SAFB: variants seen among roughly 807,000 people sequenced by gnomAD.
SAFB encodes scaffold attachment factor B.
SAFB carries 15 observed loss-of-function variants against 101.6 expected under a neutral mutation model. The ratio of observed to expected loss-of-function variants is 0.15; its 90% CI spans 0.10 to 0.23. The LOEUF (loss-of-function observed/expected upper bound fraction) is 0.23. Ranked by LOEUF, SAFB falls within the 10% of genes least tolerant of loss-of-function variation. The pLI is 1.00. For missense variants in SAFB, 930 were observed against 1,104.1 expected, an observed-to-expected ratio of 0.84 and a Z score of 2.23; for synonymous variants, 449 against 407.5, an observed-to-expected ratio of 1.10 and a Z score of -1.23.
chr19:5,645,569 T>A (rs764448480), intron 5 of SAFB, among the ~76,000 whole-genome samples, 170 bp downstream of exon 5: 1 of 152,226 alleles, frequency 6.6e-6, no homozygotes, highest in African/African-American at 2.4e-5. Flanking sequence ...AAATATAATG[T>A]ACGCATTGCC....
chr19:5,651,124 G>A, intron 9 of SAFB, 52 bp downstream of exon 9: 1 of 1,159,488 alleles, frequency 8.6e-7, no homozygotes, highest in Non-Finnish European at 1.3e-6. Flanking sequence ...GCGTTGTGTG[G>A]CCTTTACATG....
intron 11 of SAFB, among the ~76,000 whole-genome samples, chr19:5,653,750 A>G (rs1443956674): frequency 6.7e-6 from 1 of 149,418 alleles, no homozygotes; most frequent in East Asian, 2.0e-4. Flanking sequence ...GGCGTGAGCC[A>G]CCATGCCTGG....
In SAFB at chr19:5,623,240, G is replaced by C; in HGVS notation, c.35G>C (p.Gly12Ala). The change falls in exon 1 of 21, where the codon GGA (glycine) becomes GCA (alanine). Residue 12 changes from glycine to alanine, a missense_variant. By Grantham distance (60) the Gly-to-Ala change is moderately conservative. Around this residue, in one of 7 missense-constraint regions of SAFB, gnomAD observed 44 missense variants for 35.8 expected, o/e 1.23. Coordinates refer to ENST00000588852, the MANE Select transcript of SAFB (RefSeq NM_001201338.2). ...ACTCTGTCAGGCCTAGGTGATTCTG[G>C]AGCGGCGGGCGCGGCGGCTCTGAGC... Reference protein sequence around the residue: ...AETLSGLGDSGAAGAAALSSA... With the variant: ...AETLSGLGDSAAAGAAALSSA... 1 of 1,555,166 alleles carries C rather than the reference G, an allele frequency of 6.4e-7. No homozygotes were observed. Among genetic ancestry groups the C allele is most frequent in the Non-Finnish European group, 8.7e-7 (1 of 1,149,432 alleles).
intron 4 of SAFB, 66 bp from the exon 5 acceptor site, chr19:5,645,271 C>G (rs1364862585): frequency 6.8e-6 from 5 of 737,910 alleles, no homozygotes; most frequent in Admixed American, 2.1e-5. Context: ...TTTCATTGTA[C>G]AGATGTACCA....
intron 6 of SAFB, 97 bp downstream of exon 6, chr19:5,648,140 A>G (rs1398134059): frequency 5.0e-6 from 5 of 1,005,494 alleles, no homozygotes; most frequent in Middle Eastern, 2.1e-4. Flanking sequence ...AAGTTACCTT[A>G]CTATAGTATA....
At chr19:5,657,563 T>G (rs1046631917) in intron 14 of SAFB, among the ~76,000 whole-genome samples, 3 of 152,198 alleles carry the variant, frequency 2.0e-5, no homozygotes, top group Non-Finnish European at 2.9e-5. Flanking sequence ...AGTCTTGCTG[T>G]GTCGCGCCCA....
intron 17 of SAFB, chr19:5,665,105 A>T (rs2054298714): frequency 6.6e-6 from 1 of 152,386 alleles, no homozygotes; most frequent in African/African-American, 2.4e-5. Context: ...TCCTCCTGCC[A>T]GCATTTTCTG....
intron 15 of SAFB, 34 bp from the exon 16 acceptor site, chr19:5,663,988 G>C: frequency 6.2e-7 from 1 of 1,604,914 alleles, no homozygotes; most frequent in Non-Finnish European, 8.5e-7. Context: ...TGGGGTGGGG[G>C]ATCCCTCTAT....
At position 5,667,052 on chromosome 19, in the gene SAFB, C is replaced by G. The variant is rs149196941; in HGVS notation, c.2341C>G (p.Pro781Ala). Residue 781 changes from proline (P) to alanine (A), a missense_variant, in exon 18 of 21, where the codon CCA becomes GCA. Pro to Ala is a conservative substitution (Grantham distance 27, BLOSUM62 -1). Transcript: ENST00000588852. The surrounding 1 kb of genome is among the most constrained non-coding windows in gnomAD (Gnocchi z 4.0). ...CTGGCTCTGTGATGTCCAGCATTAC[C>G]CAGAACGCCATGGAGGACCAGAGCG... ...MMGEREGQHY[P>A]ERHGGPERHG... The G allele has an allele frequency of 6.9e-6, 11 of 1,602,092 alleles. No individual in the cohort carries two copies. The African/African-American group carries it at 1.3e-4, about 19-fold the overall frequency.
intron 2 of SAFB, among the ~76,000 whole-genome samples, chr19:5,635,414 G>A (rs1222552083): frequency 2.0e-5 from 3 of 152,070 alleles, no homozygotes; most frequent in Admixed American, 6.5e-5. Context: ...ATCATATAAT[G>A]TATGTAGATG....
chr19:5,646,936 TACTC>T (rs900165501), intron 5 of SAFB, among the ~76,000 whole-genome samples: 5 of 152,204 alleles, frequency 3.3e-5, no homozygotes, highest in Admixed American at 3.3e-4. Context: ...TTGGGCAAGT[TACTC>T]AGTCTGTCTG....
At chr19:5,633,199 G>A (rs964944446) in intron 2 of SAFB, among the ~76,000 whole-genome samples, 1 of 152,134 alleles carries the variant, frequency 6.6e-6, no homozygotes, top group African/African-American at 2.4e-5. Flanking sequence ...CTGACATAAG[G>A]AATAGCTTGC....
intron 17 of SAFB, chr19:5,664,710 G>A (rs1438484296): frequency 2.4e-6 from 1 of 411,246 alleles, no homozygotes; most frequent in Non-Finnish European, 4.5e-6. Context: ...GTGCAACAGT[G>A]CCAGGGAACC....
intron 2 of SAFB, among the ~76,000 whole-genome samples, chr19:5,638,968 C>T (rs1422313780): frequency 3.3e-5 from 5 of 151,690 alleles, no homozygotes. Context: ...CTCAGATGAT[C>T]CACCCGCCTT....
intron 2 of SAFB, among the ~76,000 whole-genome samples, chr19:5,629,504 C>CA (rs1315553183): frequency 3.9e-5 from 6 of 152,092 alleles, no homozygotes; most frequent in Non-Finnish European, 8.8e-5. Flanking sequence ...TCTTGCTATA[C>CA]AAAATCTCAC....
intron 14 of SAFB, among the ~76,000 whole-genome samples, chr19:5,659,582 C>T (rs879372183): frequency 3.9e-4 from 60 of 151,902 alleles, no homozygotes; most frequent in African/African-American, 1.3e-3. Flanking sequence ...GGGGTTTCAC[C>T]GTGTTAGCCA....
chr19:5,627,238 G>T (rs2053386148), intron 2 of SAFB, among the ~76,000 whole-genome samples: 1 of 151,856 alleles, frequency 6.6e-6, no homozygotes, highest in South Asian at 2.1e-4. Flanking sequence ...CCAACACTTT[G>T]GGAACCCAAG....
At chr19:5,640,756 G>C (rs369273910) in intron 2 of SAFB, among the ~76,000 whole-genome samples, 3 of 151,838 alleles carry the variant, frequency 2.0e-5, no homozygotes, top group Admixed American at 2.0e-4. Flanking sequence ...CAACCAGCTA[G>C]TTTTTTGTAT....
chr19:5,632,465 T>A (rs2053510475), intron 2 of SAFB, among the ~76,000 whole-genome samples: 1 of 152,198 alleles, frequency 6.6e-6, no homozygotes. Flanking sequence ...GATCAGGAAA[T>A]TAACATTGAT....
Sources: gnomAD v4.1 joint callset for allele counts (sites outside exome capture counted in the v4.1 genomes callset) on GRCh38, gnomAD v4.1.1 for gene constraint, gnomAD v4.1.1 regional missense constraint, Gnocchi (gnomAD v3.1) non-coding constraint, MANE v1.5 for transcripts, NCBI Gene and HGNC (gene_info 2026-07-23, HGNC 2026-07-21) for gene names.